The following SPAG11B variants were observed in gnomAD, a reference collection of about 807,000 sequenced individuals.
The protein encoded by SPAG11B is sperm-associated antigen 11B.
In SPAG11B, 5 loss-of-function variants were observed where a neutral mutation model predicts 8.9. The observed-to-expected ratio is 0.56, with a 90% confidence interval of 0.29 to 1.19. SPAG11B has a LOEUF of 1.19. SPAG11B is among the 50% of genes most tolerant of loss of function. The pLI is 0.08. For synonymous variants in SPAG11B, 12 were observed against 53.0 expected (o/e 0.23, Z 3.36); for missense variants, 38 against 146.4 (o/e 0.26, Z 3.82).
intron 2 of SPAG11B, among the ~76,000 whole-genome samples, chr8:7,454,934 TCAA>T (rs1483567428): frequency 7.2e-5 from 1 of 13,816 alleles, no homozygotes; most frequent in South Asian, 2.3e-3. Context: ...TTGATACAAT[TCAA>T]CAACAAAAAG....
downstream of SPAG11B, among the ~76,000 whole-genome samples, chr8:7,450,243 G>C (rs1810032394): frequency 7.0e-6 from 1 of 142,284 alleles, no homozygotes; most frequent in Non-Finnish European, 1.5e-5. Flanking sequence ...GTAAATGCTT[G>C]AAAACAACAC....
chr8:7,458,548 C>T (rs1372590409), intron 2 of SPAG11B, among the ~76,000 whole-genome samples: 1 of 47,262 alleles, frequency 2.1e-5, no homozygotes, highest in Non-Finnish European at 3.4e-5. Context: ...AAACTGTGGT[C>T]AGCAAAATGA....
rs145593891 is a variant in SPAG11B at position 7,451,137 on chromosome 8, G to A, written c.215-237C>T. 723 of 1,558,556 alleles carry A rather than the reference G, an allele frequency of 4.6e-4. 89 individuals carry two copies. In the African/African-American group the frequency reaches 9.5e-3, roughly 21 times the overall value. On this transcript the variant is annotated intron_variant, in intron 2 of 2. Coordinates refer to ENST00000398462, the MANE Select transcript of SPAG11B (RefSeq NM_058201.4). ...ATGAATGCTCACCTGGCCCATCTAG[G>A]CCCTAAAAAGTCCACACAGATCCTA... is the stretch of plus-strand genomic sequence containing the variant.
At chr8:7,451,925 T>G (rs1334301024) in intron 2 of SPAG11B, among the ~76,000 whole-genome samples, 2 of 138,184 alleles carry the variant, frequency 1.4e-5, no homozygotes, top group African/African-American at 5.6e-5. Context: ...TTGTAGAGCA[T>G]GGGGCTGCTA....
chr8:7,453,343 T>A (rs545004595), intron 2 of SPAG11B, among the ~76,000 whole-genome samples: 1 of 148,784 alleles, frequency 6.7e-6, no homozygotes, highest in African/African-American at 2.6e-5. Context: ...TCCCTTAAAA[T>A]TCTCTTAAGC....
chr8:7,452,081 T>G (rs1352300441), intron 2 of SPAG11B, among the ~76,000 whole-genome samples: 6 of 102,532 alleles, frequency 5.9e-5, no homozygotes, highest in African/African-American at 2.1e-4. Context: ...TTTATAACAC[T>G]TATTTAGCTT....
intron 2 of SPAG11B, chr8:7,451,220 T>C: frequency 6.6e-7 from 1 of 1,523,044 alleles, no homozygotes; most frequent in African/African-American, 1.5e-5. Flanking sequence ...ACAAAGGGAG[T>C]TTTGGAAAAC....
At chr8:7,449,625 C>T (rs1334484523), downstream of SPAG11B, among the ~76,000 whole-genome samples, 1 of 149,646 alleles carries the variant, frequency 6.7e-6, no homozygotes, top group Non-Finnish European at 1.5e-5. Flanking sequence ...AGAAAAAAAA[C>T]AAGAGTGAGT....
chr8:7,448,266 G>T (rs1809921090), downstream of SPAG11B, among the ~76,000 whole-genome samples: 1 of 111,600 alleles, frequency 9.0e-6, no homozygotes, highest in Admixed American at 9.2e-5. Context: ...AGCTGCTCCT[G>T]TCCTTAGCCC....
At chr8:7,453,529 C>T (rs1392529088) in intron 2 of SPAG11B, among the ~76,000 whole-genome samples, 2 of 148,024 alleles carry the variant, frequency 1.4e-5, no homozygotes, top group Non-Finnish European at 3.0e-5. Flanking sequence ...CTGGACTTGC[C>T]TATATTACTT....
chr8:7,453,685 A>G (rs1285878063), intron 2 of SPAG11B, among the ~76,000 whole-genome samples: 1 of 149,796 alleles, frequency 6.7e-6, no homozygotes, highest in Non-Finnish European at 1.5e-5. Context: ...AGAGACATCA[A>G]GCAGTGGTCT....
chr8:7,448,302 CAAAAAAAAAAAAAAA>C (rs71221492), downstream of SPAG11B, among the ~76,000 whole-genome samples: 6 of 48,852 alleles, frequency 1.2e-4, no homozygotes, highest in African/African-American at 3.9e-4. Flanking sequence ...AACAAGTGGT[CAAAAAAAAAAAAAAA>C]AAAAAAAAAA....
At chr8:7,447,817 A>C (rs1228846474), downstream of SPAG11B, 19 of 397,424 alleles carry the variant, frequency 4.8e-5, 5 homozygotes, top group Admixed American at 6.8e-4. Flanking sequence ...GGTCTCTCAC[A>C]TGGATCCCTG....
At chr8:7,453,462 C>T (rs1272052215) in intron 2 of SPAG11B, among the ~76,000 whole-genome samples, 2 of 147,816 alleles carry the variant, frequency 1.4e-5, no homozygotes, top group African/African-American at 5.2e-5. Context: ...TGTATGGAAG[C>T]AGAGATGAAT....
intron 2 of SPAG11B, 34 bp from the exon 3 acceptor site, chr8:7,450,934 C>T (rs1266891450): frequency 6.5e-7 from 1 of 1,549,784 alleles, no homozygotes; most frequent in Admixed American, 1.8e-5. Context: ...TGACATTTAA[C>T]TCATATAGTG....
rs1810203058 is a variant in SPAG11B, at chr8:7,451,841, G to A, written c.215-941C>T. 5.9e-5 allele frequency among the ~76,000 whole-genome samples: 9 copies of A among 151,698 alleles called. No individual in the cohort carries two copies. The South Asian group carries it at 1.9e-3, about 32-fold the overall frequency. ...CAAGCAGGGGGAATATTATAAGTTT[G>A]AAGACCTACTATGACCATAAAGATT... On this transcript the variant is annotated intron_variant, in intron 2 of 2. Coordinates refer to ENST00000398462, the MANE Select transcript of SPAG11B (RefSeq NM_058201.4).
chr8:7,453,072 A>G (rs1345862181), intron 2 of SPAG11B, among the ~76,000 whole-genome samples: 1 of 144,282 alleles, frequency 6.9e-6, no homozygotes, highest in African/African-American at 2.7e-5. Flanking sequence ...CTCTTCTCTC[A>G]TTTGATGAAG....
At chr8:7,451,743 AT>A (rs1385750986) in intron 2 of SPAG11B, among the ~76,000 whole-genome samples, 2 of 150,924 alleles carry the variant, frequency 1.3e-5, no homozygotes, top group Admixed American at 1.3e-4. Context: ...CCAATATCTC[AT>A]TATGTCTCCT....
At chr8:7,459,571 C>T (rs1810656010) in intron 2 of SPAG11B, among the ~76,000 whole-genome samples, 2 of 148,770 alleles carry the variant, frequency 1.3e-5, no homozygotes, top group Non-Finnish European at 3.0e-5. Flanking sequence ...TAACACCTTA[C>T]AATTAATTGG....
Sources: gnomAD v4.1 joint callset for allele counts (sites outside exome capture counted in the v4.1 genomes callset) on GRCh38, gnomAD v4.1.1 for gene constraint, MANE v1.5 for transcripts, NCBI Gene and HGNC (gene_info 2026-07-23, HGNC 2026-07-21) for gene names.